SPAG8: variants seen among roughly 807,000 people sequenced by gnomAD.
The protein encoded by SPAG8 is sperm-associated antigen 8.
In SPAG8, 36 loss-of-function variants were observed where a neutral mutation model predicts 45.3. The observed-to-expected ratio is 0.80, with a 90% CI of 0.61 to 1.05. SPAG8 has a LOEUF of 1.05. Ranked by LOEUF, SPAG8 falls within the 50% of genes least tolerant of loss-of-function variation. The pLI, the probability that SPAG8 is intolerant of heterozygous loss-of-function variation, is 0.00. For synonymous variants in SPAG8, 227 were observed against 232.6 expected (o/e 0.98, Z 0.22); for missense variants, 573 against 609.2 (o/e 0.94, Z 0.63).
chr9:35,809,411 TAGG>T (rs1828637001), downstream of SPAG8: 1 of 1,614,202 alleles, frequency 6.2e-7, no homozygotes. This position sits in a 1 kb window ranked among gnomAD's most constrained non-coding sequence, Gnocchi z 4.1. Context: ...TACTGGCTCT[TAGG>T]AGAGCGGAAA....
At position 35,811,025 on chromosome 9, in the gene SPAG8, G is replaced by A. The variant is rs1212992307; in HGVS notation, c.897C>T (p.Ser299=). 1 of 1,613,976 alleles carries A rather than the reference G, an allele frequency of 6.2e-7. No individual in the cohort carries two copies. The highest frequency in any genetic ancestry group is 1.3e-5 in the African/African-American group (1 of 75,004). ...RATNHLDQVP[S]MQDGSESFFF... Reference sequence around the variant, plus strand: ...AAAAACTCTCAGAGCCATCCTGCATGCTTGGGACTTGATCCAGGTGGTTGG... The same window carrying A: ...AAAAACTCTCAGAGCCATCCTGCATACTTGGGACTTGATCCAGGTGGTTGG... The change falls in exon 3 of 7, where the codon AGC becomes AGT. Residue 299 remains serine (S), a synonymous_variant. Transcript: ENST00000396638.
At chr9:35,808,346 T>G (rs1380879950), downstream of SPAG8, 2 of 1,469,078 alleles carry the variant, frequency 1.4e-6, no homozygotes, top group South Asian at 1.1e-5. The surrounding 1 kb of genome is among the most constrained non-coding windows in gnomAD (Gnocchi z 4.0). Context: ...CCTAGACATC[T>G]CCTCTCCCCT....
downstream of SPAG8, chr9:35,809,709 T>C: frequency 7.9e-7 from 1 of 1,260,246 alleles, no homozygotes; most frequent in Non-Finnish European, 1.1e-6. The surrounding 1 kb of genome is among the most constrained non-coding windows in gnomAD (Gnocchi z 4.1). Context: ...TATAAAACAA[T>C]AATAAAAAAA....
At position 35,811,782 on chromosome 9, in the gene SPAG8, A is replaced by G. The variant is rs1828816331; in HGVS notation, c.264T>C (p.Ser88=). The change falls in exon 2 of 7, where the codon TCT becomes TCC. Residue 88 remains serine (S), a synonymous_variant. Transcript: ENST00000396638. ...APCSEFMEPS[S]DPSLLGEPCA... ...AGGGCTCCCCAAGAAGGCTGGGGTC[A>G]GAGGACGGCTCCATGAACTCAGAAC... 6 of 1,614,122 alleles carry G rather than the reference A, an allele frequency of 3.7e-6. No homozygotes were observed. In the Admixed American group the frequency reaches 1.0e-4, roughly 27 times the overall value.
In SPAG8 at chr9:35,810,020, G is replaced by A. The variant is rs1828691276; in HGVS notation, c.1376C>T (p.Pro459Leu). 3.1e-6 allele frequency: 5 copies of A among 1,613,550 alleles called. No homozygotes were observed. The highest frequency in any genetic ancestry group is 4.2e-6 in the Non-Finnish European group (5 of 1,179,728). Residue 459 changes from proline (P) to leucine (L), a missense_variant, in exon 7 of 7, where the codon CCC becomes CTC. Physicochemically the swap from Pro to Leu is moderately conservative, Grantham distance 98. Coordinates refer to ENST00000396638, the MANE Select transcript of SPAG8 (RefSeq NM_001039592.2). Reference protein sequence around the residue: ...KLLPYEPENYPYQLGEISSLP... With the variant: ...KLLPYEPENYLYQLGEISSLP... ...GGAAGATATTTCTCCCAATTGGTAGGGGTAATTCTCAGGTTCATAGGGCAA... is the reference window on the plus strand; with the variant it reads ...GGAAGATATTTCTCCCAATTGGTAGAGGTAATTCTCAGGTTCATAGGGCAA...
chr9:35,811,746 G>A lies in SPAG8; in HGVS notation c.300C>T (p.Pro100=), dbSNP rs769605575. ...PSLLGEPCAG[P]GFTHNIAHGS... is the part of the protein sequence containing the mutation. ...CATGGGCTATATTGTGGGTAAAGCC[G>A]GGTCCCGCACAGGGCTCCCCAAGAA... is the stretch of plus-strand genomic sequence containing the variant. The change falls in exon 2 of 7, where the codon CCC becomes CCT. Residue 100 remains proline, a synonymous_variant. Transcript: ENST00000396638. 2.5e-6 allele frequency: 4 copies of A among 1,614,100 alleles called. No individual in the cohort carries two copies. Among genetic ancestry groups the A allele is most frequent in the Non-Finnish European group, 3.4e-6 (4 of 1,180,054 alleles).
chr9:35,808,314 G>T, downstream of SPAG8: 1 of 1,589,512 alleles, frequency 6.3e-7, no homozygotes, highest in Non-Finnish European at 8.6e-7. The surrounding 1 kb of genome is among the most constrained non-coding windows in gnomAD (Gnocchi z 4.0). Flanking sequence ...GTGCTGGGTG[G>T]AGAAAGAAGA....
Position 35,810,518 on chromosome 9 carries a change from T to C in SPAG8, c.1121A>G (p.Lys374Arg), listed in dbSNP as rs1259156226. ...TGTCACAGACTCAACCTCGAAGAGC[T>C]TCCTTGTGGGTTCCTGTTCTGCCTG... ...EVQAEQEPTR[K>R]LFEVESVTHH... The change falls in exon 5 of 7, where the codon AAG becomes AGG. Residue 374 changes from lysine (K) to arginine (R), a missense_variant. Transcript: ENST00000396638. 1.2e-6 allele frequency: 2 copies of C among 1,614,174 alleles called. No homozygotes were observed.
rs535842900 is a variant in SPAG8, at chr9:35,811,136, C to A, written c.864+46G>T. ...GTAAACTACTGCCTCCCCTAAGAAA[C>A]TGAGGGCAGCCTTCAAGAAAAGGGA... On this transcript the variant is annotated intron_variant, in intron 2 of 6. Transcript: ENST00000396638. The A allele has an allele frequency of 9.6e-6, 15 of 1,559,268 alleles. No individual in the cohort carries two copies. The South Asian group carries it at 1.8e-4, about 19-fold the overall frequency.
chr9:35,808,768 T>C, downstream of SPAG8: 1 of 1,613,664 alleles, frequency 6.2e-7, no homozygotes, highest in East Asian at 2.2e-5. This position sits in a 1 kb window ranked among gnomAD's most constrained non-coding sequence, Gnocchi z 4.0. Flanking sequence ...CAGTCTGTGC[T>C]GGGGTTGTTG....
chr9:35,811,099 A>G, intron 2 of SPAG8, 42 bp from the exon 3 acceptor site: 1 of 1,589,750 alleles, frequency 6.3e-7, no homozygotes, highest in Non-Finnish European at 8.6e-7. Flanking sequence ...CCCTTCTGGT[A>G]CCCACCCTCA....
chr9:35,810,758 GGAA>G (rs1474453736), intron 3 of SPAG8, 76 bp from the exon 4 acceptor site: 6 of 1,606,140 alleles, frequency 3.7e-6, no homozygotes, highest in Middle Eastern at 1.7e-4. Flanking sequence ...CTTGAGAAAA[GGAA>G]GAAGAACCTT....
rs1409237140 is a variant in SPAG8, at chr9:35,810,538, T to C, written c.1101A>G (p.Ala367=). 3 of 1,614,234 alleles carry C rather than the reference T, an allele frequency of 1.9e-6. No homozygotes were observed. Among genetic ancestry groups the C allele is most frequent in the Non-Finnish European group, 2.5e-6 (3 of 1,180,046 alleles). ...LQHQICKEVQ[A]EQEPTRKLFE... is the part of the protein sequence containing the mutation. ...AGAGCTTCCTTGTGGGTTCCTGTTC[T>C]GCCTGCACCTCTTTACTATGTAGCC... Residue 367 remains alanine, a synonymous_variant, in exon 5 of 7, where the codon GCA becomes GCG. Transcript: ENST00000396638.
chr9:35,809,532 A>T (rs1187919060), downstream of SPAG8: 1 of 1,603,014 alleles, frequency 6.2e-7, no homozygotes, highest in South Asian at 1.1e-5. The surrounding 1 kb of genome is among the most constrained non-coding windows in gnomAD (Gnocchi z 4.1). Flanking sequence ...CCAGAAATGG[A>T]CATTTTCATA....
At chr9:35,809,512 T>G, downstream of SPAG8, 1 of 1,612,582 alleles carries the variant, frequency 6.2e-7, no homozygotes, top group South Asian at 1.1e-5. This position sits in a 1 kb window ranked among gnomAD's most constrained non-coding sequence, Gnocchi z 4.1. Flanking sequence ...GGCCACCATG[T>G]CTGCACACAC....
downstream of SPAG8, chr9:35,809,476 C>T: frequency 3.1e-6 from 5 of 1,614,164 alleles, no homozygotes; most frequent in Non-Finnish European, 4.2e-6. This position sits in a 1 kb window ranked among gnomAD's most constrained non-coding sequence, Gnocchi z 4.1. Context: ...AGATAGTCTT[C>T]TGCTGCTGGT....
downstream of SPAG8, chr9:35,808,486 C>CT (rs1179857323): frequency 6.2e-7 from 1 of 1,612,402 alleles, no homozygotes; most frequent in Non-Finnish European, 8.5e-7. The surrounding 1 kb of genome is among the most constrained non-coding windows in gnomAD (Gnocchi z 4.0). Context: ...TAGAGGTGAC[C>CT]TTTTAATCCC....
downstream of SPAG8, chr9:35,808,253 T>A (rs1386309486): frequency 6.2e-7 from 1 of 1,614,226 alleles, no homozygotes; most frequent in South Asian, 1.1e-5. The surrounding 1 kb of genome is among the most constrained non-coding windows in gnomAD (Gnocchi z 4.0). Context: ...CATGTCCTGC[T>A]GCAGACAGGG....
rs1042424636 is a variant in SPAG8, at chr9:35,812,226, C to T, written c.-79G>A. ...CTGCGCAGAAGTACAGCTGGGCGGA[C>T]TTGCAGGTGGCGGTGGAGGCAAGTC... On this transcript the variant is annotated 5_prime_UTR_variant, in exon 1 of 7. Coordinates refer to ENST00000396638, the MANE Select transcript of SPAG8 (RefSeq NM_001039592.2). 5.9e-6 allele frequency: 9 copies of T among 1,534,044 alleles called. No homozygotes were observed. The highest frequency in any genetic ancestry group is 1.8e-5 in the Admixed American group (1 of 55,386).
Sources: allele counts gnomAD v4.1 joint callset, GRCh38; gene constraint gnomAD v4.1.1; non-coding constraint Gnocchi (gnomAD v3.1); transcripts MANE v1.5; gene names NCBI Gene and HGNC (gene_info 2026-07-23, HGNC 2026-07-21).